EPHA5: variants seen among roughly 807,000 people sequenced by gnomAD.
The protein encoded by EPHA5 is EPH receptor A5.
Under a neutral mutation model 105.0 loss-of-function variants are expected in EPHA5, and 60 were observed. That is an observed-to-expected ratio of 0.57 (90% CI 0.46 to 0.71). The LOEUF (loss-of-function observed/expected upper bound fraction) is 0.71. Among genes scored for constraint, EPHA5 ranks in the 30% least tolerant of loss-of-function variants. The pLI, the probability that EPHA5 is intolerant of heterozygous loss-of-function variation, is 0.00. For missense variants in EPHA5, 1,218 were observed against 1,274.7 expected (o/e 0.96, Z 0.68); for synonymous variants, 513 against 449.1 (o/e 1.14, Z -1.80).
intron 8 of EPHA5, among the ~76,000 whole-genome samples, chr4:65,380,839 C>G (rs997250150): frequency 2.6e-5 from 4 of 151,698 alleles, no homozygotes; most frequent in Non-Finnish European, 4.4e-5. Context: ...AAACAAAATT[C>G]TAAACCTATC....
chr4:65,329,809 CT>C (rs5858950), intron 16 of EPHA5, among the ~76,000 whole-genome samples: 62,452 of 137,256 alleles, frequency 0.46, 13,349 homozygotes, highest in East Asian at 0.51. Flanking sequence ...CAATGACTGA[CT>C]TTTTTTTTTT....
At chr4:65,403,827 A>G (rs1278466599) in intron 8 of EPHA5, among the ~76,000 whole-genome samples, 1 of 152,240 alleles carries the variant, frequency 6.6e-6, no homozygotes, top group East Asian at 1.9e-4. Flanking sequence ...ATATATCATG[A>G]TTGAAGTATT....
chr4:65,599,631 T>C (rs898196210), intron 3 of EPHA5, among the ~76,000 whole-genome samples: 3 of 152,100 alleles, frequency 2.0e-5, no homozygotes, highest in Non-Finnish European at 4.4e-5. Flanking sequence ...TAGTAAACTT[T>C]TTGCATTACC....
At chr4:65,626,512 A>G (rs1037652344) in intron 2 of EPHA5, among the ~76,000 whole-genome samples, 8 of 152,216 alleles carry the variant, frequency 5.3e-5, no homozygotes, top group Non-Finnish European at 1.0e-4. Context: ...ATTTAATTCT[A>G]CAATAATATA....
At chr4:65,552,425 A>G (rs1277006316) in intron 3 of EPHA5, among the ~76,000 whole-genome samples, 3 of 152,188 alleles carry the variant, frequency 2.0e-5, no homozygotes, top group Non-Finnish European at 4.4e-5. Context: ...TGAAATCGGA[A>G]AATCAGATAA....
chr4:65,388,820 T>C (rs1011958611), intron 8 of EPHA5, among the ~76,000 whole-genome samples: 39 of 151,698 alleles, frequency 2.6e-4, no homozygotes, highest in African/African-American at 9.2e-4. Flanking sequence ...TTAGTTTAAT[T>C]AGATCCCATT....
intron 8 of EPHA5, among the ~76,000 whole-genome samples, chr4:65,379,774 TTAAC>T (rs1300185193): frequency 6.6e-6 from 1 of 151,722 alleles, no homozygotes; most frequent in African/African-American, 2.4e-5. Context: ...TACATTCAGA[TTAAC>T]TAATATAAAT....
At chr4:65,395,137 G>T (rs1721090109) in intron 8 of EPHA5, among the ~76,000 whole-genome samples, 1 of 152,152 alleles carries the variant, frequency 6.6e-6, no homozygotes, top group Non-Finnish European at 1.5e-5. Flanking sequence ...ACTGTGCCAG[G>T]CATGTAGCAA....
chr4:65,601,610 AG>A (rs1245894287), intron 3 of EPHA5, 30 bp downstream of exon 3: 1 of 1,595,532 alleles, frequency 6.3e-7, no homozygotes, highest in South Asian at 1.1e-5. Flanking sequence ...TGAAGCAGAC[AG>A]CCCCTGCAGA....
chr4:65,515,094 C>A (rs1048389123), intron 3 of EPHA5, among the ~76,000 whole-genome samples: 2 of 152,126 alleles, frequency 1.3e-5, no homozygotes, highest in Admixed American at 1.3e-4. Context: ...ACCAACTTGT[C>A]AACTCTCCAT....
chr4:65,383,687 C>A (rs1405360921), intron 8 of EPHA5, among the ~76,000 whole-genome samples: 1 of 151,726 alleles, frequency 6.6e-6, no homozygotes, highest in Non-Finnish European at 1.5e-5. Context: ...ATCTGCCAGT[C>A]TGAAGGAGTA....
intron 1 of EPHA5, among the ~76,000 whole-genome samples, chr4:65,659,249 A>C (rs376822114): frequency 5.8e-5 from 8 of 137,638 alleles, no homozygotes; most frequent in African/African-American, 2.1e-4. Flanking sequence ...TTGGGTATGC[A>C]TGCCGAGATA....
intron 5 of EPHA5, among the ~76,000 whole-genome samples, chr4:65,443,930 CGTGCACGT>C (rs1022402302): frequency 4.1e-5 from 4 of 98,510 alleles, no homozygotes; most frequent in African/African-American, 1.3e-4. Flanking sequence ...TGTGTGTGTG[CGTGCACGT>C]GTGCACGCGC....
intron 13 of EPHA5, among the ~76,000 whole-genome samples, chr4:65,350,489 A>G (rs921771522): frequency 2.6e-5 from 4 of 152,162 alleles, no homozygotes; most frequent in African/African-American, 4.8e-5. Flanking sequence ...GAGCTATCAA[A>G]TTGTATAGGG....
intron 3 of EPHA5, 59 bp from the exon 4 acceptor site, chr4:65,495,602 T>C (rs1415407431): frequency 2.8e-6 from 4 of 1,415,718 alleles, no homozygotes; most frequent in Non-Finnish European, 2.9e-6. Flanking sequence ...GTTTGTTTTG[T>C]GAATAATGTC....
chr4:65,560,535 T>G (rs1738902176), intron 3 of EPHA5, among the ~76,000 whole-genome samples: 1 of 152,092 alleles, frequency 6.6e-6, no homozygotes, highest in Non-Finnish European at 1.5e-5. Context: ...TGTTTATCAT[T>G]GTTAGGATAA....
intron 1 of EPHA5, among the ~76,000 whole-genome samples, chr4:65,660,791 C>T (rs1031179173): frequency 2.8e-5 from 4 of 145,218 alleles, no homozygotes; most frequent in Non-Finnish European, 4.7e-5. Context: ...GATACAGGAC[C>T]CTCAAGGACA....
chr4:65,582,885 G>A (rs901617103), intron 3 of EPHA5, among the ~76,000 whole-genome samples: 2 of 151,622 alleles, frequency 1.3e-5, no homozygotes, highest in African/African-American at 4.8e-5. Flanking sequence ...CATAATAGAT[G>A]ATAATTTCTG....
chr4:65,453,042 A>G (rs997467896), intron 5 of EPHA5, among the ~76,000 whole-genome samples: 1 of 152,172 alleles, frequency 6.6e-6, no homozygotes, highest in Non-Finnish European at 1.5e-5. Flanking sequence ...CAGAATTATT[A>G]TAAGTTAAAT....
Sources: gnomAD v4.1 joint callset for allele counts (sites outside exome capture counted in the v4.1 genomes callset) on GRCh38, gnomAD v4.1.1 for gene constraint, MANE v1.5 for transcripts, NCBI Gene and HGNC (gene_info 2026-07-23, HGNC 2026-07-21) for gene names.